Variants in SH2D4A observed in about 807,000 individuals in gnomAD.
SH2D4A encodes SH2 domain containing 4A, also known as SH2 domain-containing protein 4A.
In SH2D4A, 70 loss-of-function variants were observed where a neutral mutation model predicts 64.7. The observed-to-expected ratio is 1.08, with a 90% CI of 0.89 to 1.32. The LOEUF (loss-of-function observed/expected upper bound fraction) is 1.32, where lower values mean the gene tolerates loss of function less well. Among genes scored for constraint, SH2D4A ranks in the 40% most tolerant of loss-of-function variants. The pLI is 0.00. For synonymous variants in SH2D4A, 268 were observed against 200.7 expected, an observed-to-expected ratio of 1.34 and a Z score of -2.83; for missense variants, 706 against 540.1, an observed-to-expected ratio of 1.31 and a Z score of -3.04.
In SH2D4A at chr8:19,344,665, T is replaced by C. The variant is rs146973568; in HGVS notation, c.513+9808T>C. ...CAAGTTTCAGATTAGGGCGTGGGTA[T>C]CTTTTAAGGCCATGACAGCTACCAT... On this transcript the variant is annotated intron_variant, in intron 4 of 9. Coordinates refer to ENST00000265807, the MANE Select transcript of SH2D4A (RefSeq NM_022071.4). Among the ~76,000 whole-genome samples, 9 of 152,278 alleles carry C rather than the reference T, an allele frequency of 5.9e-5. No individual in the cohort carries two copies. In the East Asian group the frequency reaches 1.7e-3, roughly 29 times the overall value.
chr8:19,326,082 G>A (rs779814906), intron 2 of SH2D4A, among the ~76,000 whole-genome samples: 1 of 152,218 alleles, frequency 6.6e-6, no homozygotes, highest in East Asian at 1.9e-4. Flanking sequence ...TGGACTGTAT[G>A]AGGTAAGCTG....
Position 19,394,578 on chromosome 8 carries a change from A to C in SH2D4A, c.1301A>C (p.Glu434Ala). ...KEEPITSLGK[E>A]LLLYPCGQQD... ...GAACCCATCACTTCCCTGGGGAAGG[A>C]GCTCCTTCTCTATCCCTGTGGTCAG... Residue 434 changes from glutamate (E) to alanine (A), a missense_variant, in exon 10 of 10, where the codon GAG (glutamate) becomes GCG (alanine). Transcript: ENST00000265807. 7 of 1,607,848 alleles carry C rather than the reference A, an allele frequency of 4.4e-6. No homozygotes were observed. Among genetic ancestry groups the C allele is most frequent in the Non-Finnish European group, 5.9e-6 (7 of 1,176,626 alleles).
At chr8:19,323,144 G>A (rs923429209) in intron 2 of SH2D4A, among the ~76,000 whole-genome samples, 3 of 151,994 alleles carry the variant, frequency 2.0e-5, no homozygotes, top group South Asian at 2.1e-4. Flanking sequence ...GGTAGCTAGA[G>A]GTCTACAGCC....
At chr8:19,354,046 A>G (rs1226861144) in intron 4 of SH2D4A, among the ~76,000 whole-genome samples, 5 of 146,954 alleles carry the variant, frequency 3.4e-5, no homozygotes, top group African/African-American at 1.3e-4. Context: ...GCTAGAGTTC[A>G]GTGGCACAAT....
At position 19,328,275 on chromosome 8, in the gene SH2D4A, T is replaced by G. The variant is rs144952665; in HGVS notation, c.182-4680T>G. On this transcript the variant is annotated intron_variant, in intron 2 of 9. Coordinates refer to ENST00000265807, the MANE Select transcript of SH2D4A (RefSeq NM_022071.4). ...CTCGGCCTCACTTCTGGACTCCAAT[T>G]CTGGATTCCAGATGTCGATTGAAAG... Among the ~76,000 whole-genome samples the G allele has an allele frequency of 4.4e-3, 677 of 152,250 alleles. 13 individuals are homozygous for G. The highest frequency in any genetic ancestry group is 0.035 in the Admixed American group (538 of 15,288).
intron 8 of SH2D4A, among the ~76,000 whole-genome samples, chr8:19,386,903 C>CT (rs1323172506): frequency 6.6e-6 from 1 of 152,182 alleles, no homozygotes; most frequent in African/African-American, 2.4e-5. Flanking sequence ...CTTCAGGCTC[C>CT]TGAACAGCTG....
rs745841388 is a variant in SH2D4A at position 19,334,793 on chromosome 8, C to T, written c.449C>T (p.Ala150Val). ...QQTKDIWKKV[A>V]EKEELEQGSR... ...ACTAAAGACATCTGGAAGAAAGTGG[C>T]AGAAAAGGAGGAACTGGAGCAAGGA... The change falls in exon 4 of 10, where the codon GCA (alanine) becomes GTA (valine). Residue 150 changes from alanine to valine, a missense_variant. Coordinates refer to ENST00000265807, the MANE Select transcript of SH2D4A (RefSeq NM_022071.4). 6.2e-7 allele frequency: 1 copy of T among 1,613,978 alleles called. No homozygotes were observed. The highest frequency in any genetic ancestry group is 8.5e-7 in the Non-Finnish European group (1 of 1,179,952).
At chr8:19,393,165 C>T (rs563164883) in intron 8 of SH2D4A, among the ~76,000 whole-genome samples, 153 bp from the exon 9 acceptor site, 18 of 152,258 alleles carry the variant, frequency 1.2e-4, no homozygotes, top group African/African-American at 2.6e-4. Context: ...AAGAATATTC[C>T]GTATTCCTAA....
intron 4 of SH2D4A, among the ~76,000 whole-genome samples, chr8:19,341,080 G>A (rs114980233): frequency 0.044 from 6,684 of 152,210 alleles, 238 homozygotes; most frequent in South Asian, 0.093. Flanking sequence ...CCTCATTTTT[G>A]TATGTCTACT....
chr8:19,363,727 GC>G, intron 6 of SH2D4A: 1 of 337,012 alleles, frequency 3.0e-6, no homozygotes, highest in Non-Finnish European at 5.7e-6. Context: ...CAGCACCCCT[GC>G]CAGCTTGAAC....
intron 4 of SH2D4A, among the ~76,000 whole-genome samples, chr8:19,342,976 G>T (rs936766814): frequency 2.0e-5 from 3 of 152,182 alleles, no homozygotes; most frequent in Non-Finnish European, 4.4e-5. Context: ...CACAGCTCTA[G>T]CACGCTGCTT....
At position 19,360,326 on chromosome 8, in the gene SH2D4A, A is replaced by G. The variant is rs374167007; in HGVS notation, c.595-877A>G. Among the ~76,000 whole-genome samples, 6 of 151,110 alleles carry G rather than the reference A, an allele frequency of 4.0e-5. No individual in the cohort carries two copies. The East Asian group carries it at 5.8e-4, about 15-fold the overall frequency. On this transcript the variant is annotated intron_variant, in intron 5 of 9. Coordinates refer to ENST00000265807, the MANE Select transcript of SH2D4A (RefSeq NM_022071.4). ...TTTTTTTTTTGAAACAAAAAAATAC[A>G]TATTCTGGCAGGGTGTGGTGGCTCA...
At chr8:19,376,576 T>C in intron 8 of SH2D4A, among the ~76,000 whole-genome samples, 1 of 152,034 alleles carries the variant, frequency 6.6e-6, no homozygotes, top group African/African-American at 2.4e-5. Context: ...GAGCTGAGAT[T>C]GTGCCATTGC....
intron 4 of SH2D4A, among the ~76,000 whole-genome samples, chr8:19,347,470 TC>T (rs1288713731): frequency 6.6e-6 from 1 of 152,154 alleles, no homozygotes; most frequent in Non-Finnish European, 1.5e-5. Context: ...CCGTCCCCAC[TC>T]AGAGTTGTTC....
Position 19,394,751 on chromosome 8 carries a change from C to T in SH2D4A, c.*109C>T. The T allele has an allele frequency of 1.7e-6, 1 of 598,034 alleles. No individual in the cohort carries two copies. The highest frequency in any genetic ancestry group is 2.6e-6 in the Non-Finnish European group (1 of 377,614). The allele number at this position is 598,034 out of a possible 1,614,324, so 37.0% of individuals were successfully genotyped here. On this transcript the variant is annotated 3_prime_UTR_variant, in exon 10 of 10. Transcript: ENST00000265807. ...AAATCACCCTGCAGCAGAGCCAATA[C>T]TGATCAACTGAAAGTAAAGTATCCA...
intron 2 of SH2D4A, among the ~76,000 whole-genome samples, chr8:19,332,092 C>T (rs1489612772): frequency 6.6e-6 from 1 of 151,818 alleles, no homozygotes; most frequent in Non-Finnish European, 1.5e-5. Context: ...AGCAAGACAC[C>T]ATTTCTAAAA....
rs766159455 is a variant in SH2D4A at position 19,393,458 on chromosome 8, G to A, written c.1189G>A (p.Asp397Asn). The A allele has an allele frequency of 2.2e-5, 35 of 1,614,084 alleles. No homozygotes were observed. The highest frequency in any genetic ancestry group is 1.1e-4 in the East Asian group (5 of 44,894). Reference protein sequence around the residue: ...SEDGCKHFLIDASADAYSFLG... With the variant: ...SEDGCKHFLINASADAYSFLG... The stretch of plus-strand genomic sequence containing the variant: ...GGACGGCTGTAAACATTTCCTCATC[G>A]ATGCCTCTGCAGACGCCTACAGCTT... Residue 397 changes from aspartate (D) to asparagine (N), a missense_variant, in exon 9 of 10, where the codon GAT (aspartate) becomes AAT (asparagine). By Grantham distance (23) the Asp-to-Asn change is conservative (BLOSUM62 1). Transcript: ENST00000265807.
At chr8:19,381,510 T>C (rs2053292266) in intron 8 of SH2D4A, among the ~76,000 whole-genome samples, 1 of 152,246 alleles carries the variant, frequency 6.6e-6, no homozygotes, top group African/African-American at 2.4e-5. Context: ...GTTGTCTGTG[T>C]ATCCTGCCAC....
intron 2 of SH2D4A, among the ~76,000 whole-genome samples, chr8:19,323,641 G>A (rs2052227324): frequency 6.6e-6 from 1 of 152,236 alleles, no homozygotes; most frequent in South Asian, 2.1e-4. Flanking sequence ...TCGGCCTTCC[G>A]AAGGGCTGGG....
Sources: allele counts gnomAD v4.1 joint callset (sites outside exome capture counted in the v4.1 genomes callset), GRCh38; gene constraint gnomAD v4.1.1; transcripts MANE v1.5; gene names NCBI Gene and HGNC (gene_info 2026-07-23, HGNC 2026-07-21).